Variants in WNK1 observed in about 807,000 individuals in gnomAD.
The protein encoded by WNK1 is WNK lysine deficient protein kinase 1, also known as serine/threonine-protein kinase WNK1.
Under a neutral mutation model 222.8 loss-of-function variants are expected in WNK1, and 38 were observed. The observed-to-expected ratio is 0.17, with a 90% CI of 0.13 to 0.22. WNK1 has a LOEUF of 0.22. Among genes scored for constraint, WNK1 ranks in the 10% least tolerant of loss-of-function variants. The pLI is 1.00. For missense variants in WNK1, 2,348 were observed against 2,918.4 expected (o/e 0.80, Z 4.50); for synonymous variants, 1,090 against 1,092.9 (o/e 1.00, Z 0.05).
chr12:757,332 T>TA (rs2070404844), intron 1 of WNK1, among the ~76,000 whole-genome samples: 70 of 97,194 alleles, frequency 7.2e-4, no homozygotes, highest in African/African-American at 2.5e-3. Flanking sequence ...TTTTTTTTTT[T>TA]TAAAAAAAAA....
chr12:754,617 A>G (rs1390462213), intron 1 of WNK1, among the ~76,000 whole-genome samples: 1 of 152,154 alleles, frequency 6.6e-6, no homozygotes, highest in Non-Finnish European at 1.5e-5. Flanking sequence ...GGAAACTTGG[A>G]ATGAGTGGGG....
At chr12:895,660 C>T (rs1592224190) in intron 23 of WNK1, among the ~76,000 whole-genome samples, 1 of 151,870 alleles carries the variant, frequency 6.6e-6, no homozygotes, top group Admixed American at 6.6e-5. Context: ...GGTTTCACCA[C>T]GTTGGCCAGG....
At chr12:784,081 C>T (rs1944019677) in intron 1 of WNK1, among the ~76,000 whole-genome samples, 1 of 150,208 alleles carries the variant, frequency 6.7e-6, no homozygotes, top group African/African-American at 2.5e-5. Context: ...AGTATCCAGG[C>T]ACAGTGGCAT....
intron 2 of WNK1, among the ~76,000 whole-genome samples, chr12:821,042 GTTTTTTTTT>G (rs60880879): frequency 7.6e-5 from 6 of 79,112 alleles, no homozygotes; most frequent in African/African-American, 2.0e-4. Flanking sequence ...AGTTTCTTGA[GTTTTTTTTT>G]TTTTTTTTTT....
At chr12:799,226 C>T (rs575491578) in intron 1 of WNK1, among the ~76,000 whole-genome samples, 1 of 151,852 alleles carries the variant, frequency 6.6e-6, no homozygotes, top group Non-Finnish European at 1.5e-5. Flanking sequence ...TGGGCTCAAG[C>T]AATCCTCCCA....
rs559635231 is a variant in WNK1 at position 756,876 on chromosome 12, C to T, written c.759+2552C>T. 1.1e-4 allele frequency among the ~76,000 whole-genome samples: 17 copies of T among 152,264 alleles called. No individual in the cohort carries two copies. The South Asian group carries it at 3.5e-3, about 32-fold the overall frequency. ...TGAGTTAAGTTGTTGAGTTAAAAAT[C>T]TTAGTGTATTGAAACTGGGAGAAAT... On this transcript the variant is annotated intron_variant, in intron 1 of 27. Transcript: ENST00000315939.
intron 1 of WNK1, among the ~76,000 whole-genome samples, chr12:809,241 A>T (rs1227854139): frequency 6.8e-5 from 8 of 118,242 alleles, no homozygotes; most frequent in African/African-American, 1.9e-4. Flanking sequence ...AAAAAAAAAA[A>T]AATTTTTTTT....
rs1565626263 is a variant in WNK1, at chr12:908,761, AC to A, written c.7124del (p.Pro2375GlnfsTer15). ...AGCAATTTGCAGAAATCCATCAGCA[AC>A]CCCCCAGGCTCCAACCTGCGGACCA... The part of the protein sequence containing the change: ...NISNLQKSIS[N>X]PPGSNLRTT On this transcript the variant is annotated frameshift_variant, in exon 28 of 28. Transcript: ENST00000315939. LOFTEE classifies it high-confidence loss of function. 1.5e-6 allele frequency: 2 copies of A among 1,353,276 alleles called. No individual in the cohort carries two copies. The highest frequency in any genetic ancestry group is 2.0e-6 in the Non-Finnish European group (2 of 1,024,856). 83.8% of individuals were successfully genotyped at this position (1,353,276 alleles called of 1,614,324 possible). A position where few individuals can be genotyped will look rare whatever the true frequency, so the allele number is the denominator to read the frequency against.
intron 2 of WNK1, among the ~76,000 whole-genome samples, chr12:819,453 T>G (rs556143171): frequency 6.6e-6 from 1 of 152,356 alleles, no homozygotes; most frequent in African/African-American, 2.4e-5. Flanking sequence ...AATGTTCAAA[T>G]GAGCATTTTT....
rs1951571261 is a variant in WNK1 at position 865,305 on chromosome 12, C to T, written c.2139+3035C>T. Reference sequence around the variant, plus strand: ...AGCATTGGAGAGTGTCCTGCCTATGCACTCTGCCTCTCAGCGCAAGCACCG... The same window carrying T: ...AGCATTGGAGAGTGTCCTGCCTATGTACTCTGCCTCTCAGCGCAAGCACCG... On this transcript the variant is annotated intron_variant, in intron 8 of 27. Transcript: ENST00000315939. 6.5e-7 allele frequency: 1 copy of T among 1,536,142 alleles called. No homozygotes were observed. The highest frequency in any genetic ancestry group is 1.2e-5 in the South Asian group (1 of 84,068).
intron 4 of WNK1, among the ~76,000 whole-genome samples, chr12:844,228 T>C (rs956116217): frequency 1.3e-5 from 2 of 151,786 alleles, no homozygotes; most frequent in Non-Finnish European, 2.9e-5. Flanking sequence ...GCCTCCTGGG[T>C]TCAAGTGATT....
chr12:838,078 AGTGTGTGTGTGTGTGT>A (rs3072742), intron 4 of WNK1, among the ~76,000 whole-genome samples: 2 of 148,780 alleles, frequency 1.3e-5, no homozygotes, highest in Non-Finnish European at 3.0e-5. Flanking sequence ...GTAATATTCC[AGTGTGTGTGTGTGTGT>A]GTGTGTGTGT....
intron 23 of WNK1, among the ~76,000 whole-genome samples, chr12:895,196 AGTAG>A (rs1954632217): frequency 6.6e-6 from 1 of 151,956 alleles, no homozygotes; most frequent in African/African-American, 2.4e-5. Context: ...GGCTGGGGAG[AGTAG>A]GTGATATTTT....
intron 4 of WNK1, among the ~76,000 whole-genome samples, chr12:843,566 G>A (rs1949789187): frequency 6.6e-6 from 1 of 152,160 alleles, no homozygotes; most frequent in South Asian, 2.1e-4. Flanking sequence ...TGTTCAGTCT[G>A]TTACAATATG....
In WNK1 at chr12:879,946, A is replaced by G; in HGVS notation, c.2747A>G (p.Gln916Arg). 6.2e-7 allele frequency: 1 copy of G among 1,614,124 alleles called. No homozygotes were observed. Among genetic ancestry groups the G allele is most frequent in the African/African-American group, 1.3e-5 (1 of 75,036 alleles). Residue 916 changes from glutamine (Q) to arginine (R), a missense_variant, in exon 11 of 28, where the codon CAA (glutamine) becomes CGA (arginine). Gln to Arg is a conservative substitution (Grantham distance 43). Around this residue, in one of 13 missense-constraint regions of WNK1, gnomAD observed 547 missense variants for 558.3 expected, o/e 0.98. Coordinates refer to ENST00000315939, the MANE Select transcript of WNK1 (RefSeq NM_018979.4). The stretch of plus-strand genomic sequence containing the variant: ...AGTCAGGTTCACCCACAGCTCCTAC[A>G]ACCAGCAGTTCAGTCCATGGGAATA... ...LPSQVHPQLL[Q>R]PAVQSMGIPA... is the part of the protein sequence containing the mutation.
intron 1 of WNK1, 31 bp downstream of exon 1, chr12:754,355 C>T (rs1261775258): frequency 1.2e-6 from 2 of 1,612,940 alleles, no homozygotes; most frequent in Non-Finnish European, 1.7e-6. Flanking sequence ...TTTGACGGTC[C>T]TTTGGATCCC....
intron 7 of WNK1, 139 bp downstream of exon 7, chr12:861,482 A>G (rs1951214362): frequency 6.5e-6 from 5 of 768,054 alleles, no homozygotes; most frequent in South Asian, 5.0e-5. Context: ...GTTGTCGTCT[A>G]GCTTCTCTTT....
At chr12:905,658 T>A (rs559096843) in intron 26 of WNK1, among the ~76,000 whole-genome samples, 1 of 152,324 alleles carries the variant, frequency 6.6e-6, no homozygotes, top group East Asian at 1.9e-4. Flanking sequence ...ATATGCTTGC[T>A]TTCTAGATTG....
At chr12:865,221 T>C (rs1280209089) in intron 8 of WNK1, 16 of 1,535,964 alleles carry the variant, frequency 1.0e-5, no homozygotes, top group Non-Finnish European at 8.7e-7. Flanking sequence ...TGTCTGCACC[T>C]CTTTCTCCTT....
Sources: gnomAD v4.1 joint callset for allele counts (sites outside exome capture counted in the v4.1 genomes callset) on GRCh38, gnomAD v4.1.1 for gene constraint, gnomAD v4.1.1 regional missense constraint, MANE v1.5 for transcripts, NCBI Gene and HGNC (gene_info 2026-07-23, HGNC 2026-07-21) for gene names.